ZBTB45: variants seen among roughly 807,000 people sequenced by gnomAD.
ZBTB45 encodes zinc finger and BTB domain-containing protein 45.
ZBTB45 carries 22 observed loss-of-function variants against 28.4 expected under a neutral mutation model. That is an observed-to-expected ratio of 0.77 (90% confidence interval 0.55 to 1.10). ZBTB45 has a LOEUF of 1.10. ZBTB45 is among the 50% of genes least tolerant of loss of function. The pLI, the probability that ZBTB45 is intolerant of heterozygous loss-of-function variation, is 0.00. For missense variants in ZBTB45, 656 were observed against 750.2 expected, an observed-to-expected ratio of 0.87 and a Z score of 1.47; for synonymous variants, 361 against 332.3, an observed-to-expected ratio of 1.09 and a Z score of -0.94.
upstream of ZBTB45, among the ~76,000 whole-genome samples, chr19:58,523,263 C>T (rs573758079): frequency 4.5e-4 from 65 of 144,608 alleles, no homozygotes; most frequent in African/African-American, 1.5e-3. Flanking sequence ...GGCGTGGTGG[C>T]GTCTGTGGTG....
At chr19:58,532,946 C>G (rs1395513793) in intron 1 of ZBTB45, among the ~76,000 whole-genome samples, 2 of 152,144 alleles carry the variant, frequency 1.3e-5, no homozygotes, top group African/African-American at 4.8e-5. Flanking sequence ...AGTGATTCTC[C>G]TGCCCCAGCC....
chr19:58,517,692 G>T lies in ZBTB45; in HGVS notation c.1-19C>A. 6.2e-7 allele frequency: 1 copy of T among 1,601,698 alleles called. No homozygotes were observed. The highest frequency in any genetic ancestry group is 8.5e-7 in the Non-Finnish European group (1 of 1,171,300). On this transcript the variant is annotated intron_variant, in intron 1 of 2. Coordinates refer to ENST00000594051, the MANE Select transcript of ZBTB45 (RefSeq NM_001316979.2). ...CCGCCATCTGCACAGAACAAGAGGA[G>T]GGCAGGGAGAGGTCAACTGAGGACC...
chr19:58,534,798 C>T (rs1362400321), intron 1 of ZBTB45, among the ~76,000 whole-genome samples: 2 of 151,824 alleles, frequency 1.3e-5, no homozygotes, highest in Non-Finnish European at 2.9e-5. Context: ...CCTTGTGATC[C>T]GCCCACCTCG....
chr19:58,537,694 A>G (rs1172700831), intron 1 of ZBTB45, among the ~76,000 whole-genome samples: 1 of 151,936 alleles, frequency 6.6e-6, no homozygotes, highest in Non-Finnish European at 1.5e-5. Context: ...CATAGTATTA[A>G]TATTTTGACC....
intron 1 of ZBTB45, among the ~76,000 whole-genome samples, chr19:58,538,040 A>G (rs1418032565): frequency 6.6e-6 from 1 of 151,492 alleles, no homozygotes; most frequent in Non-Finnish European, 1.5e-5. Flanking sequence ...GTTTCATCAT[A>G]TTGGTCAGGC....
intron 1 of ZBTB45, among the ~76,000 whole-genome samples, chr19:58,532,099 A>G (rs1196290062): frequency 1.3e-5 from 2 of 151,960 alleles, no homozygotes; most frequent in Non-Finnish European, 2.9e-5. Flanking sequence ...GAGGGCACCC[A>G]CCAAGTCCAG....
At chr19:58,526,470 A>ACCTGCCTC (rs1458402601) in intron 1 of ZBTB45, among the ~76,000 whole-genome samples, 1 of 151,314 alleles carries the variant, frequency 6.6e-6, no homozygotes, top group African/African-American at 2.4e-5. Context: ...TCAGCCTCCC[A>ACCTGCCTC]AAATGCTGGG....
chr19:58,524,122 T>TTTGGGAGG (rs1272130429), upstream of ZBTB45, among the ~76,000 whole-genome samples: 1 of 143,820 alleles, frequency 7.0e-6, no homozygotes, highest in Non-Finnish European at 1.5e-5. Context: ...ATCTCAGGAC[T>TTTGGGAGG]TTGGGAGGCT....
upstream of ZBTB45, among the ~76,000 whole-genome samples, chr19:58,521,250 C>A (rs535109573): frequency 3.1e-4 from 47 of 150,354 alleles, no homozygotes; most frequent in South Asian, 9.1e-3. Context: ...GCCTGTAGTC[C>A]CAGCTACTCA....
chr19:58,517,840 C>T (rs1292709084), intron 1 of ZBTB45, among the ~76,000 whole-genome samples, 167 bp from the exon 2 acceptor site: 1 of 151,882 alleles, frequency 6.6e-6, no homozygotes, highest in Non-Finnish European at 1.5e-5. Context: ...CCATTCCCAA[C>T]ACAGGACACT....
intron 1 of ZBTB45, 51 bp from the exon 2 acceptor site, chr19:58,517,724 T>C: frequency 2.0e-6 from 3 of 1,534,992 alleles, no homozygotes; most frequent in Non-Finnish European, 2.7e-6. Flanking sequence ...GACCCCCATC[T>C]GTCCCAACGT....
At chr19:58,522,554 G>A (rs183287736), upstream of ZBTB45, among the ~76,000 whole-genome samples, 79 of 152,140 alleles carry the variant, frequency 5.2e-4, no homozygotes, top group East Asian at 0.015. Context: ...AGAATCGCTT[G>A]AACCCGGGAG....
Position 58,527,075 on chromosome 19 carries a change from C to G in ZBTB45, c.1-9402G>C, listed in dbSNP as rs182430799. Reference sequence around the variant, plus strand: ...GTGGGACACCTGGCTGGTTCCATCCCGAAAAGACACAGTGAAGCTCTAGCT... The same window carrying G: ...GTGGGACACCTGGCTGGTTCCATCCGGAAAAGACACAGTGAAGCTCTAGCT... On this transcript the variant is annotated intron_variant, in intron 1 of 1. Coordinates refer to the ZBTB45 transcript ENST00000600130. Among the ~76,000 whole-genome samples, 14 of 152,228 alleles carry G rather than the reference C, an allele frequency of 9.2e-5. No homozygotes were observed. In the East Asian group the frequency reaches 2.7e-3, roughly 29 times the overall value.
Position 58,516,288 on chromosome 19 carries a change from CA to C in ZBTB45, c.1279+106del. ...CTCAATTTCTAGGCCCCCTGCTAAC[CA>C]AAAGTAACAGAACAGTGCCAGTGCC... On this transcript the variant is annotated intron_variant, in intron 2 of 2. Transcript: ENST00000594051. The surrounding 1 kb of genome is among the most constrained non-coding windows in gnomAD (Gnocchi z 6.2). The C allele has an allele frequency of 1.4e-6, 2 of 1,424,406 alleles. No homozygotes were observed. Among genetic ancestry groups the C allele is most frequent in the East Asian group, 2.4e-5 (1 of 41,090 alleles). The allele number at this position is 1,424,406 out of a possible 1,614,324, so 88.2% of individuals were successfully genotyped here. A position where few individuals can be genotyped will look rare whatever the true frequency, so the allele number is the denominator to read the frequency against.
intron 1 of ZBTB45, among the ~76,000 whole-genome samples, chr19:58,533,081 C>T (rs891233088): frequency 1.3e-4 from 20 of 152,096 alleles, no homozygotes; most frequent in Non-Finnish European, 2.5e-4. Flanking sequence ...GGTGATCCAC[C>T]CGCCTTGGCC....
intron 1 of ZBTB45, among the ~76,000 whole-genome samples, chr19:58,533,463 C>T (rs1183112906): frequency 6.6e-6 from 1 of 152,142 alleles, no homozygotes; most frequent in Admixed American, 6.5e-5. Context: ...GCCTTCAAGA[C>T]TGGAGTGATG....
intron 1 of ZBTB45, among the ~76,000 whole-genome samples, chr19:58,525,816 C>T (rs755720892): frequency 2.6e-5 from 4 of 152,232 alleles, no homozygotes; most frequent in African/African-American, 4.8e-5. Flanking sequence ...CTGAGAACTC[C>T]GGAAGAAGGA....
rs577110314 is a variant in ZBTB45 at position 58,513,991 on chromosome 19, G to A, written c.*63C>T. On this transcript the variant is annotated 3_prime_UTR_variant, in exon 3 of 3. Coordinates refer to ENST00000594051, the MANE Select transcript of ZBTB45 (RefSeq NM_001316979.2). ...TGGCGGGAACCACGGGTCCCGCAGC[G>A]GGCGTGGCCGACTGTGCGGGAGGCC... The A allele has an allele frequency of 1.4e-4, 189 of 1,350,414 alleles. No individual in the cohort carries two copies. The East Asian group carries it at 5.5e-3, about 40-fold the overall frequency. 83.7% of individuals were successfully genotyped at this position (1,350,414 alleles called of 1,614,324 possible). A position where few individuals can be genotyped will look rare whatever the true frequency, so the allele number is the denominator to read the frequency against.
At position 58,513,980 on chromosome 19, in the gene ZBTB45, G is replaced by C; in HGVS notation, c.*74C>G. 5.2e-6 allele frequency: 7 copies of C among 1,346,900 alleles called. No individual in the cohort carries two copies. Among genetic ancestry groups the C allele is most frequent in the Non-Finnish European group, 6.6e-6 (7 of 1,054,140 alleles). The allele number at this position is 1,346,900 out of a possible 1,614,324, so 83.4% of individuals were successfully genotyped here. Reference sequence around the variant, plus strand: ...GCGTGGTCTAGTGGCGGGAACCACGGGTCCCGCAGCGGGCGTGGCCGACTG... The same window carrying C: ...GCGTGGTCTAGTGGCGGGAACCACGCGTCCCGCAGCGGGCGTGGCCGACTG... On this transcript the variant is annotated 3_prime_UTR_variant, in exon 3 of 3. Coordinates refer to ENST00000594051, the MANE Select transcript of ZBTB45 (RefSeq NM_001316979.2).
Sources: gnomAD v4.1 joint callset for allele counts (sites outside exome capture counted in the v4.1 genomes callset) on GRCh38, gnomAD v4.1.1 for gene constraint, Gnocchi (gnomAD v3.1) non-coding constraint, MANE v1.5 for transcripts, NCBI Gene and HGNC (gene_info 2026-07-23, HGNC 2026-07-21) for gene names.